The following SHARPIN variants were observed in gnomAD, a reference collection of about 807,000 sequenced individuals.
SHARPIN encodes the protein hSIPL1.
A neutral mutation model predicts 40.3 loss-of-function variants in SHARPIN; 25 were observed. The ratio of observed to expected loss-of-function variants is 0.62; its 90% CI spans 0.45 to 0.87. The LOEUF (loss-of-function observed/expected upper bound fraction) is 0.87, where lower values mean the gene tolerates loss of function less well. Ranked by LOEUF, SHARPIN falls within the 40% of genes least tolerant of loss-of-function variation. The pLI, the probability that SHARPIN is intolerant of heterozygous loss-of-function variation, is 0.00. For missense variants in SHARPIN, 551 were observed against 516.1 expected (o/e 1.07, Z -0.66); for synonymous variants, 274 against 221.8 (o/e 1.24, Z -2.09).
intron 1 of SHARPIN, 52 bp from the exon 2 acceptor site, chr8:144,103,277 C>T (rs1316453219): frequency 1.3e-6 from 2 of 1,538,952 alleles, no homozygotes; most frequent in South Asian, 2.5e-5. Context: ...CTACATCGCA[C>T]GAGGAGCAAA....
chr8:144,099,150 C>T lies in SHARPIN; in HGVS notation c.978G>A (p.Leu326=). 1 of 1,590,624 alleles carries T rather than the reference C, an allele frequency of 6.3e-7. No individual in the cohort carries two copies. The highest frequency in any genetic ancestry group is 8.6e-7 in the Non-Finnish European group (1 of 1,169,274). ...PQKMDGELGR[L]FPPSLGLPPG... ...GGGGTAGCCCCAATGATGGGGGAAA[C>T]AAGCGTCCAAGTTCCCCGTCCATCT... Residue 326 remains leucine, a synonymous_variant, in exon 7 of 9, where the codon TTG becomes TTA. Transcript: ENST00000398712.
At position 144,098,778 on chromosome 8, in the gene SHARPIN, C is replaced by T; in HGVS notation, c.*23G>A. ...GGACTTGTGAGGGAAGGGCCACTCT[C>T]CCCTTGTAACCTGTGGGGGAGGAGC... On this transcript the variant is annotated 3_prime_UTR_variant, in exon 9 of 9. Coordinates refer to ENST00000398712, the MANE Select transcript of SHARPIN (RefSeq NM_030974.4). The T allele has an allele frequency of 1.1e-6, 1 of 910,688 alleles. No homozygotes were observed. The highest frequency in any genetic ancestry group is 1.6e-6 in the Non-Finnish European group (1 of 608,962). 56.4% of individuals were successfully genotyped at this position (910,688 alleles called of 1,614,324 possible). A position where few individuals can be genotyped will look rare whatever the true frequency, so the allele number is the denominator to read the frequency against.
At position 144,099,970 on chromosome 8, in the gene SHARPIN, T is replaced by C; in HGVS notation, c.476A>G (p.Glu159Gly). 6.3e-7 allele frequency: 1 copy of C among 1,582,380 alleles called. No individual in the cohort carries two copies. Among genetic ancestry groups the C allele is most frequent in the Non-Finnish European group, 8.6e-7 (1 of 1,165,552 alleles). The change falls in exon 3 of 9, where the codon GAG (glutamate) becomes GGG (glycine). Residue 159 changes from glutamate (E) to glycine (G), a missense_variant. Glu to Gly is a moderately conservative substitution (Grantham distance 98). Coordinates refer to ENST00000398712, the MANE Select transcript of SHARPIN (RefSeq NM_030974.4). ...EASTLKGPPP[E>G]ADLPRSPGNL... is the part of the protein sequence containing the mutation. ...TCCAGGGCTCCTAGGAAGATCTGCC[T>C]CAGGTGGAGGGCCCTTGAGTGTGGA...
chr8:144,103,577 C>G lies in SHARPIN; in HGVS notation c.177G>C (p.Glu59Asp), dbSNP rs1340353706. 6.5e-7 allele frequency: 1 copy of G among 1,531,136 alleles called. No individual in the cohort carries two copies. The highest frequency in any genetic ancestry group is 8.7e-7 in the Non-Finnish European group (1 of 1,145,128). 94.8% of individuals were successfully genotyped at this position (1,531,136 alleles called of 1,614,324 possible). Residue 59 changes from glutamate (E) to aspartate (D), a missense_variant, in exon 1 of 9, where the codon GAG becomes GAC. By Grantham distance (45) the Glu-to-Asp change is conservative. Transcript: ENST00000398712. ...CCGCCCCAGGTCCCGCGCCCAGCAG[C>G]TCCAGCCGGAAGCGCCCAGGCCGCT... is the stretch of plus-strand genomic sequence containing the variant. ...DPERPGRFRL[E>D]LLGAGPGAVN...
intron 2 of SHARPIN, chr8:144,100,711 C>G (rs776942448): frequency 4.2e-4 from 64 of 154,046 alleles, no homozygotes; most frequent in Non-Finnish European, 6.7e-4. Context: ...CCGGCCCCCA[C>G]TGAACCTCAA....
intron 2 of SHARPIN, among the ~76,000 whole-genome samples, chr8:144,101,268 G>A (rs1298523192): frequency 6.8e-6 from 1 of 147,584 alleles, no homozygotes; most frequent in African/African-American, 2.5e-5. Flanking sequence ...ACAGGATCTC[G>A]CTCTGTCACC....
At chr8:144,099,235 C>T (rs1288887869) in intron 6 of SHARPIN, 30 bp from the exon 7 acceptor site, 5 of 1,612,332 alleles carry the variant, frequency 3.1e-6, no homozygotes, top group Non-Finnish European at 4.2e-6. Flanking sequence ...GACTGTGGGG[C>T]TGCACCCCAC....
rs774032019 is a variant in SHARPIN, at chr8:144,099,533, T to C, written c.745A>G (p.Thr249Ala). The C allele has an allele frequency of 1.2e-6, 2 of 1,613,938 alleles. No individual in the cohort carries two copies. The highest frequency in any genetic ancestry group is 1.7e-5 in the Admixed American group (1 of 60,020). Residue 249 changes from threonine to alanine, a missense_variant, in exon 5 of 9, where the codon ACT becomes GCT. Transcript: ENST00000398712. The stretch of plus-strand genomic sequence containing the variant: ...ACCTGCTCCTGGAGAGCTGCAACAG[T>C]GCAGTGGGGGTGGACCTGCAGGGCA... The part of the protein sequence containing the change: ...HVALQVHPHC[T>A]VAALQEQVFS...
At chr8:144,101,053 T>G (rs1392535493) in intron 2 of SHARPIN, among the ~76,000 whole-genome samples, 1 of 152,006 alleles carries the variant, frequency 6.6e-6, no homozygotes. Context: ...CAGACTGGTC[T>G]TGAACTCCCG....
chr8:144,100,311 A>C (rs1193814361), intron 2 of SHARPIN, among the ~76,000 whole-genome samples: 1 of 152,102 alleles, frequency 6.6e-6, no homozygotes, highest in Non-Finnish European at 1.5e-5. Context: ...GCCTTTTCAA[A>C]CCCTTTTGTG....
chr8:144,099,635 G>A lies in SHARPIN; in HGVS notation c.660-17C>T. The A allele has an allele frequency of 6.2e-7, 1 of 1,613,660 alleles. No individual in the cohort carries two copies. The highest frequency in any genetic ancestry group is 8.5e-7 in the Non-Finnish European group (1 of 1,179,774). ...ACCTGCAGCCTGTGCCAGAATGTGG[G>A]TTCAGGGATGGATGGGGGACCTGGG... is the stretch of plus-strand genomic sequence containing the variant. On this transcript the variant is annotated splice_polypyrimidine_tract_variant and intron_variant, in intron 4 of 8. Transcript: ENST00000398712.
intron 2 of SHARPIN, chr8:144,102,794 G>T (rs1372978321): frequency 1.7e-6 from 1 of 605,214 alleles, no homozygotes; most frequent in Non-Finnish European, 3.0e-6. Flanking sequence ...CTTCCTGAGG[G>T]TTAAGGAAGT....
intron 2 of SHARPIN, chr8:144,102,838 C>T (rs968248561): frequency 3.1e-6 from 2 of 651,258 alleles, no homozygotes; most frequent in Non-Finnish European, 5.5e-6. Context: ...CTGGTGGAGG[C>T]TGCAACTTGT....
At chr8:144,099,046 C>T (rs1210574345) in intron 7 of SHARPIN, 35 bp downstream of exon 7, 4 of 1,580,818 alleles carry the variant, frequency 2.5e-6, no homozygotes, top group East Asian at 2.2e-5. Flanking sequence ...ATGCCCATGG[C>T]TGTCCTGGCC....
rs200344062 is a variant in SHARPIN, at chr8:144,099,167, C to T, written c.961G>A (p.Gly321Arg). The T allele has an allele frequency of 3.2e-4, 516 of 1,590,860 alleles. 1 individual carries two copies. Among genetic ancestry groups the T allele is most frequent in the Non-Finnish European group, 4.1e-4 (482 of 1,169,954 alleles). Residue 321 changes from glycine (G) to arginine (R), a missense_variant, in exon 7 of 9, where the codon GGG becomes AGG. Gly to Arg is a moderately radical substitution (Grantham distance 125). Transcript: ENST00000398712. ...GGGGGAAACAAGCGTCCAAGTTCCC[C>T]GTCCATCTTCTGGGGGTGCTGAGGG... Reference protein sequence around the residue: ...PSPQHPQKMDGELGRLFPPSL... With the variant: ...PSPQHPQKMDRELGRLFPPSL...
At position 144,103,658 on chromosome 8, in the gene SHARPIN, G is replaced by T. The variant is rs1161647687; in HGVS notation, c.96C>A (p.Gly32=). The T allele has an allele frequency of 6.6e-7, 1 of 1,522,456 alleles. No individual in the cohort carries two copies. Among genetic ancestry groups the T allele is most frequent in the Admixed American group, 2.0e-5 (1 of 50,242 alleles). 94.3% of individuals were successfully genotyped at this position (1,522,456 alleles called of 1,614,324 possible). A position where few individuals can be genotyped will look rare whatever the true frequency, so the allele number is the denominator to read the frequency against. Residue 32 remains glycine (G), a synonymous_variant, in exon 1 of 9, where the codon GGC becomes GGA. Coordinates refer to ENST00000398712, the MANE Select transcript of SHARPIN (RefSeq NM_030974.4). ...GCTGTGCCTCGGCGTCTGGCCCGGC[G>T]CCCAGCGGCCTCACCGCGGCGTGCA... The part of the protein sequence containing the change: ...LAVHAAVRPL[G]AGPDAEAQLR...
chr8:144,098,684 A>T lies in SHARPIN; in HGVS notation c.*117T>A, dbSNP rs1190339253. 4.0e-6 allele frequency: 2 copies of T among 495,494 alleles called. No individual in the cohort carries two copies. The highest frequency in any genetic ancestry group is 4.1e-5 in the African/African-American group (2 of 48,838). 30.7% of individuals were successfully genotyped at this position (495,494 alleles called of 1,614,324 possible). On this transcript the variant is annotated 3_prime_UTR_variant, in exon 9 of 9. Transcript: ENST00000398712. ...GTTTCATTTTGTGGCCCTTCCCCCC[A>T]ACCCTGGTGACTGTCCCAGCAAGCA...
chr8:144,101,403 A>ATT (rs34270727), intron 2 of SHARPIN, among the ~76,000 whole-genome samples: 5,749 of 92,392 alleles, frequency 0.062, 547 homozygotes, highest in Non-Finnish European at 0.089. Flanking sequence ...CACTCAGCTA[A>ATT]TTTTTTTTTT....
rs1280352426 is a variant in SHARPIN, at chr8:144,103,598, C to G, written c.156G>C (p.Arg52=). ...GCAGCTCCAGCCGGAAGCGCCCAGG[C>G]CGCTCAGGGTCCGCGCTCAGCTGCA... ...RRLQLSADPE[R]PGRFRLELLG... The change falls in exon 1 of 9, where the codon CGG becomes CGC. Residue 52 remains arginine, a synonymous_variant. Coordinates refer to ENST00000398712, the MANE Select transcript of SHARPIN (RefSeq NM_030974.4). 1.3e-6 allele frequency: 2 copies of G among 1,531,176 alleles called. No individual in the cohort carries two copies. 94.8% of individuals were successfully genotyped at this position (1,531,176 alleles called of 1,614,324 possible).
Sources: allele counts gnomAD v4.1 joint callset (sites outside exome capture counted in the v4.1 genomes callset), GRCh38; gene constraint gnomAD v4.1.1; transcripts MANE v1.5; gene names NCBI Gene and HGNC (gene_info 2026-07-23, HGNC 2026-07-21).